Variants in SI observed in about 807,000 individuals in gnomAD.
SI encodes the protein sucrase-isomaltase, intestinal.
Under a neutral mutation model 253.3 loss-of-function variants are expected in SI, and 235 were observed. That is an observed-to-expected ratio of 0.93 (90% CI 0.83 to 1.03). The LOEUF (loss-of-function observed/expected upper bound fraction) is 1.03. Ranked by LOEUF, SI falls within the 50% of genes least tolerant of loss-of-function variation. The probability of loss-of-function intolerance (pLI) is 0.00; values close to 1 mark genes in which losing one functional copy is unlikely to be tolerated. For missense variants in SI, 2,442 were observed against 2,211.1 expected (o/e 1.10, Z -2.09); for synonymous variants, 819 against 712.0 (o/e 1.15, Z -2.39).
chr3:165,000,874 AAG>A (rs1304529552), intron 37 of SI, among the ~76,000 whole-genome samples: 1 of 151,388 alleles, frequency 6.6e-6, no homozygotes, highest in Admixed American at 6.6e-5. Context: ...GCTTATAAGA[AAG>A]AGATATTTTT....
In SI at chr3:164,991,228, T is replaced by A. The variant is rs1414945004; in HGVS notation, c.5108+125A>T. On this transcript the variant is annotated intron_variant, in intron 44 of 47. Coordinates refer to ENST00000264382, the MANE Select transcript of SI (RefSeq NM_001041.4). ...TTTTGTCTCTGACCTGGCATTCATG[T>A]TACTGAGGCAGGCTAATGTACTAGC... is the stretch of plus-strand genomic sequence containing the variant. 3 of 1,020,120 alleles carry A rather than the reference T, an allele frequency of 2.9e-6. No individual in the cohort carries two copies. In the African/African-American group the frequency reaches 4.7e-5, roughly 16 times the overall value. 63.2% of individuals were successfully genotyped at this position (1,020,120 alleles called of 1,614,324 possible).
At chr3:165,081,679 T>C (rs1715331039), upstream of SI, among the ~76,000 whole-genome samples, 2 of 151,888 alleles carry the variant, frequency 1.3e-5, no homozygotes, top group African/African-American at 2.4e-5. Flanking sequence ...TAGAGGCCTG[T>C]GAAAAAACTA....
At chr3:165,036,157 A>G (rs1284792583) in intron 22 of SI, among the ~76,000 whole-genome samples, 1 of 151,894 alleles carries the variant, frequency 6.6e-6, no homozygotes, top group African/African-American at 2.4e-5. Context: ...AAATCTTGCC[A>G]AAGACTTACA....
intron 26 of SI, among the ~76,000 whole-genome samples, chr3:165,021,839 C>T (rs927476525): frequency 2.6e-5 from 4 of 151,408 alleles, no homozygotes; most frequent in African/African-American, 4.8e-5. Context: ...GTATACTTAC[C>T]GTTTTAGGGT....
At chr3:165,028,173 C>A (rs1235119768) in intron 25 of SI, among the ~76,000 whole-genome samples, 1 of 151,208 alleles carries the variant, frequency 6.6e-6, no homozygotes, top group Non-Finnish European at 1.5e-5. Context: ...ATCAAAAACT[C>A]AACCTCTTTT....
At chr3:164,994,436 G>A in intron 40 of SI, 31 bp from the exon 41 acceptor site, 1 of 1,606,370 alleles carries the variant, frequency 6.2e-7, no homozygotes, top group Non-Finnish European at 8.5e-7. Context: ...ATAGTTATAA[G>A]CTTTGGTCCT....
chr3:165,073,569 G>A (rs1031217160), intron 3 of SI, among the ~76,000 whole-genome samples: 1 of 151,960 alleles, frequency 6.6e-6, no homozygotes, highest in African/African-American at 2.4e-5. Context: ...GTTAATTTGT[G>A]TGTGGTAAGG....
chr3:165,082,555 C>G (rs1313450377), upstream of SI, among the ~76,000 whole-genome samples: 2 of 151,948 alleles, frequency 1.3e-5, no homozygotes, highest in African/African-American at 4.8e-5. Flanking sequence ...TTCATCTCCC[C>G]TACTTTTCCC....
intron 8 of SI, 86 bp downstream of exon 8, chr3:165,063,356 T>C (rs1287089887): frequency 1.4e-6 from 1 of 692,222 alleles, no homozygotes. Flanking sequence ...TACTCTCACA[T>C]ACAATATGAA....
chr3:165,006,388 G>A (rs1178430871), intron 37 of SI, among the ~76,000 whole-genome samples: 1 of 152,196 alleles, frequency 6.6e-6, no homozygotes, highest in Non-Finnish European at 1.5e-5. Flanking sequence ...GGGATTACAG[G>A]CGTGAGCCAC....
At chr3:165,041,292 A>G (rs971498743) in intron 17 of SI, among the ~76,000 whole-genome samples, 198 bp from the exon 18 acceptor site, 4 of 152,154 alleles carry the variant, frequency 2.6e-5, no homozygotes, top group African/African-American at 9.6e-5. Flanking sequence ...ATTAAACTTA[A>G]TTTTGAAGTG....
intron 29 of SI, 25 bp downstream of exon 29, chr3:165,017,945 G>A (rs1477309359): frequency 6.3e-7 from 1 of 1,582,064 alleles, no homozygotes; most frequent in Admixed American, 1.7e-5. Flanking sequence ...TAAAATAAGA[G>A]ACATTCAACA....
chr3:165,010,948 C>A (rs1169794815), intron 34 of SI, among the ~76,000 whole-genome samples: 1 of 152,126 alleles, frequency 6.6e-6, no homozygotes. Flanking sequence ...TCAGTAGGTT[C>A]AATTATCTGA....
intron 24 of SI, 25 bp downstream of exon 24, chr3:165,032,497 A>C: frequency 6.7e-7 from 1 of 1,500,750 alleles, no homozygotes. Context: ...ATGATAGCTA[A>C]AATATTTTAA....
chr3:165,019,142 A>G (rs559705073), intron 28 of SI, among the ~76,000 whole-genome samples: 11 of 151,948 alleles, frequency 7.2e-5, no homozygotes, highest in Non-Finnish European at 1.3e-4. Flanking sequence ...ATAAAAACAC[A>G]TTGTAAAGAT....
chr3:165,071,154 T>G (rs147979699), intron 3 of SI, among the ~76,000 whole-genome samples: 1 of 152,138 alleles, frequency 6.6e-6, no homozygotes, highest in Non-Finnish European at 1.5e-5. Context: ...GCTCATATTC[T>G]GCGATTCCAA....
Position 164,998,629 on chromosome 3 carries a change from C to T in SI, c.4451G>A (p.Arg1484His), listed in dbSNP as rs145246112. 776 of 1,611,284 alleles carry T rather than the reference C, an allele frequency of 4.8e-4. No individual in the cohort carries two copies. The highest frequency in any genetic ancestry group is 6.1e-4 in the Non-Finnish European group (717 of 1,177,976). ...TTGKRGIVIS[R>H]STYPTSGRWG... ...TCGTCCACTAGTAGGATACGTGGAA[C>T]GAGAAATTACAATCCCTCTTTTTCC... The change falls in exon 38 of 48, where the codon CGT becomes CAT. Residue 1484 changes from arginine to histidine, a missense_variant. By Grantham distance (29) the Arg-to-His change is conservative. Coordinates refer to ENST00000264382, the MANE Select transcript of SI (RefSeq NM_001041.4).
chr3:165,074,626 T>C lies in SI; in HGVS notation c.160A>G (p.Thr54Ala), dbSNP rs544498038. 3.1e-6 allele frequency: 5 copies of C among 1,610,976 alleles called. 1 individual carries two copies. The Admixed American group carries it at 6.7e-5, about 22-fold the overall frequency. Residue 54 changes from threonine to alanine, a missense_variant, in exon 3 of 48, where the codon ACT (threonine) becomes GCT (alanine). Coordinates refer to ENST00000264382, the MANE Select transcript of SI (RefSeq NM_001041.4). The part of the protein sequence containing the change: ...STSTPATTRV[T>A]TNPSDSGKCP... ...TTTCCTGAATCAGAAGGATTTGTAG[T>C]CACACGAGTAGTAGCTGGAGTTGAA...
At chr3:165,061,627 G>A (rs953199336) in intron 9 of SI, among the ~76,000 whole-genome samples, 1 of 151,708 alleles carries the variant, frequency 6.6e-6, no homozygotes, top group Admixed American at 6.6e-5. Flanking sequence ...TTTTAAAATA[G>A]GCATAATCTT....
Sources: allele counts gnomAD v4.1 joint callset (sites outside exome capture counted in the v4.1 genomes callset), GRCh38; gene constraint gnomAD v4.1.1; transcripts MANE v1.5; gene names NCBI Gene and HGNC (gene_info 2026-07-23, HGNC 2026-07-21).